The following WWOX variants were observed in gnomAD, a reference collection of about 807,000 sequenced individuals.
WWOX encodes the protein WW domain containing oxidoreductase.
Under a neutral mutation model 46.2 loss-of-function variants are expected in WWOX, and 69 were observed. That is an observed-to-expected ratio of 1.49 (90% CI 1.23 to 1.82). The LOEUF (loss-of-function observed/expected upper bound fraction) is 1.82, where lower values mean the gene tolerates loss of function less well. Ranked by LOEUF, WWOX falls within the 40% of genes most tolerant of loss-of-function variation. The pLI, the probability that WWOX is intolerant of heterozygous loss-of-function variation, is 0.00. For synonymous variants in WWOX, 359 were observed against 202.6 expected (o/e 1.77, Z -6.56); for missense variants, 919 against 542.6 (o/e 1.69, Z -6.89).
chr16:78,877,282 C>G (rs1185046726), intron 8 of WWOX, among the ~76,000 whole-genome samples: 1 of 150,518 alleles, frequency 6.6e-6, no homozygotes, highest in Non-Finnish European at 1.5e-5. Flanking sequence ...CCTGCCTCCC[C>G]CCCTCTGACC....
At chr16:78,708,355 A>C (rs1240492252) in intron 8 of WWOX, among the ~76,000 whole-genome samples, 1 of 152,170 alleles carries the variant, frequency 6.6e-6, no homozygotes, top group Non-Finnish European at 1.5e-5. Context: ...TGAAACTCAA[A>C]TTTTACTCGG....
At chr16:79,007,943 T>G (rs1249676846) in intron 8 of WWOX, among the ~76,000 whole-genome samples, 1 of 152,218 alleles carries the variant, frequency 6.6e-6, no homozygotes, top group Non-Finnish European at 1.5e-5. Context: ...GTGTTAGCTA[T>G]CTCTTGCTGT....
chr16:78,693,737 C>G (rs1477033041), intron 8 of WWOX, among the ~76,000 whole-genome samples: 1 of 152,118 alleles, frequency 6.6e-6, no homozygotes, highest in Non-Finnish European at 1.5e-5. Context: ...GCCCTTACCA[C>G]AGAGAACTAT....
At chr16:78,667,672 A>C (rs1457041250) in intron 8 of WWOX, among the ~76,000 whole-genome samples, 1 of 77,584 alleles carries the variant, frequency 1.3e-5, no homozygotes, top group Non-Finnish European at 2.3e-5. Context: ...CTCCGTCTCA[A>C]AAAAAAAAAA....
intron 8 of WWOX, among the ~76,000 whole-genome samples, chr16:78,488,803 G>T (rs1196294837): frequency 6.6e-6 from 1 of 152,126 alleles, no homozygotes; most frequent in Admixed American, 6.5e-5. Context: ...TAGGTCTAAT[G>T]ATATCATTAT....
At position 78,412,945 on chromosome 16, in the gene WWOX, G is replaced by A. The variant is rs2082716393; in HGVS notation, c.606-11925G>A. ...AGCCCTTGTCTTTTTTACCCTCTTTGTTTTCTGCATTTCTTTCCTTCTGTT... is the reference window on the plus strand; with the variant it reads ...AGCCCTTGTCTTTTTTACCCTCTTTATTTTCTGCATTTCTTTCCTTCTGTT... On this transcript the variant is annotated intron_variant, in intron 6 of 8. Coordinates refer to ENST00000566780, the MANE Select transcript of WWOX (RefSeq NM_016373.4). Among the ~76,000 whole-genome samples the A allele has an allele frequency of 2.0e-5, 3 of 152,146 alleles. No homozygotes were observed. The South Asian group carries it at 6.2e-4, about 32-fold the overall frequency.
chr16:78,188,603 C>T (rs2035784887), intron 5 of WWOX, among the ~76,000 whole-genome samples: 1 of 151,896 alleles, frequency 6.6e-6, no homozygotes, highest in Non-Finnish European at 1.5e-5. Context: ...ATAGTAGGAC[C>T]ATCATTTAGA....
chr16:78,137,567 C>G (rs867938234), intron 4 of WWOX, among the ~76,000 whole-genome samples: 8 of 152,114 alleles, frequency 5.3e-5, no homozygotes, highest in African/African-American at 1.9e-4. Context: ...CATATATATG[C>G]CGCCACAGAG....
chr16:78,923,627 C>T (rs970035720), intron 8 of WWOX, among the ~76,000 whole-genome samples: 1 of 151,976 alleles, frequency 6.6e-6, no homozygotes, highest in Non-Finnish European at 1.5e-5. Flanking sequence ...ATATTTCACT[C>T]TTCTATGAAT....
At chr16:78,878,062 T>A (rs1397164760) in intron 8 of WWOX, among the ~76,000 whole-genome samples, 2 of 152,148 alleles carry the variant, frequency 1.3e-5, no homozygotes, top group Admixed American at 6.5e-5. Context: ...AGACAAAGCA[T>A]TCCCTGTAGT....
chr16:78,178,748 C>G (rs539461979), intron 5 of WWOX, among the ~76,000 whole-genome samples: 2 of 151,934 alleles, frequency 1.3e-5, no homozygotes, highest in African/African-American at 4.8e-5. Flanking sequence ...GCTATAATCC[C>G]AGCTGCTCAG....
intron 8 of WWOX, among the ~76,000 whole-genome samples, chr16:79,056,430 TAAG>T (rs900243570): frequency 1.3e-5 from 2 of 152,224 alleles, no homozygotes; most frequent in African/African-American, 4.8e-5. Flanking sequence ...TCCTGTGGTT[TAAG>T]GATAGGTAAA....
intron 8 of WWOX, among the ~76,000 whole-genome samples, chr16:78,510,310 A>G (rs745983725): frequency 1.3e-5 from 2 of 152,014 alleles, no homozygotes; most frequent in Non-Finnish European, 2.9e-5. Flanking sequence ...AGTTCAACTG[A>G]TTCTCCTGCC....
chr16:78,426,777 C>T (rs1335486470), intron 7 of WWOX, among the ~76,000 whole-genome samples: 1 of 152,184 alleles, frequency 6.6e-6, no homozygotes, highest in Non-Finnish European at 1.5e-5. Context: ...GATTCTCCTG[C>T]CTCAGCCTTC....
At chr16:78,478,374 C>A (rs1597141344) in intron 8 of WWOX, among the ~76,000 whole-genome samples, 1 of 152,154 alleles carries the variant, frequency 6.6e-6, no homozygotes, top group Admixed American at 6.5e-5. Context: ...CTCATTTGAT[C>A]TGGTTCTTCC....
chr16:78,848,168 T>G (rs1317685304), intron 8 of WWOX, among the ~76,000 whole-genome samples: 1 of 152,146 alleles, frequency 6.6e-6, no homozygotes, highest in Non-Finnish European at 1.5e-5. Flanking sequence ...CTCACTGGGT[T>G]TTGCAGGGGT....
intron 5 of WWOX, among the ~76,000 whole-genome samples, chr16:78,239,043 C>G (rs2037538604): frequency 6.6e-6 from 1 of 152,166 alleles, no homozygotes; most frequent in Non-Finnish European, 1.5e-5. Context: ...TGCCTGATTC[C>G]AGGATGCTCT....
Position 78,837,244 on chromosome 16 carries a change from C to G in WWOX, c.1057-374364C>G, listed in dbSNP as rs183815167. 5.0e-4 allele frequency among the ~76,000 whole-genome samples: 76 copies of G among 152,274 alleles called. 1 individual carries two copies. Among genetic ancestry groups the G allele is most frequent in the Non-Finnish European group, 9.9e-4 (67 of 68,016 alleles). The stretch of plus-strand genomic sequence containing the variant: ...GAGCTATGTAAAAATGTCACTTGCT[C>G]TTATCACGGTTCATAGAGATTACCT... On this transcript the variant is annotated intron_variant, in intron 8 of 8. Transcript: ENST00000566780.
chr16:78,917,633 C>G (rs1314085796), intron 8 of WWOX, among the ~76,000 whole-genome samples: 3 of 152,162 alleles, frequency 2.0e-5, no homozygotes, highest in Non-Finnish European at 2.9e-5. Flanking sequence ...AACTTTCCCA[C>G]TCATTGCCCT....
Sources: allele counts gnomAD v4.1 joint callset (sites outside exome capture counted in the v4.1 genomes callset), GRCh38; gene constraint gnomAD v4.1.1; transcripts MANE v1.5; gene names NCBI Gene and HGNC (gene_info 2026-07-23, HGNC 2026-07-21).